PPP1R42: variants seen among roughly 807,000 people sequenced by gnomAD.
PPP1R42 encodes leucine rich repeat containing 67.
A neutral mutation model predicts 31.0 loss-of-function variants in PPP1R42; 34 were observed. The observed-to-expected ratio is 1.10, with a 90% CI of 0.83 to 1.46. The LOEUF is 1.46. Ranked by LOEUF, PPP1R42 falls within the 40% of genes most tolerant of loss-of-function variation. The pLI, the probability that PPP1R42 is intolerant of heterozygous loss-of-function variation, is 0.00. For synonymous variants in PPP1R42, 103 were observed against 109.8 expected (o/e 0.94, Z 0.39); for missense variants, 268 against 303.0 (o/e 0.88, Z 0.86).
chr8:67,017,095 T>C (rs1440168710), intron 2 of PPP1R42, among the ~76,000 whole-genome samples: 1 of 152,204 alleles, frequency 6.6e-6, no homozygotes, highest in African/African-American at 2.4e-5. Flanking sequence ...CACAATAGTA[T>C]ATTTTATAGA....
chr8:67,003,047 C>T (rs2129536642), intron 5 of PPP1R42, among the ~76,000 whole-genome samples: 1 of 150,068 alleles, frequency 6.7e-6, no homozygotes, highest in Non-Finnish European at 1.5e-5. Context: ...TGCCTGTAAT[C>T]CCAGCTACTA....
In PPP1R42 at chr8:67,017,738, G is replaced by C; in HGVS notation, c.10C>G (p.Leu4Val). MVR[L>V]TLDLIARNSN... ...TTTCTGGCAATTAGATCCAAGGTCA[G>C]TCGAACCATAATTTCTTTATAAATC... Residue 4 changes from leucine (L) to valine (V), a missense_variant, in exon 2 of 8, where the codon CTG (leucine) becomes GTG (valine). Transcript: ENST00000685739. 1 of 1,585,364 alleles carries C rather than the reference G, an allele frequency of 6.3e-7. No homozygotes were observed. The highest frequency in any genetic ancestry group is 1.4e-5 in the African/African-American group (1 of 73,998).
At chr8:67,019,900 A>C (rs192091140) in intron 1 of PPP1R42, among the ~76,000 whole-genome samples, 50 of 151,700 alleles carry the variant, frequency 3.3e-4, no homozygotes, top group East Asian at 1.2e-3. Flanking sequence ...CAAAAAAAAA[A>C]CCAAAAAAAC....
At chr8:66,997,899 G>C (rs1216052087) in intron 5 of PPP1R42, among the ~76,000 whole-genome samples, 2 of 151,882 alleles carry the variant, frequency 1.3e-5, no homozygotes, top group African/African-American at 4.8e-5. Context: ...TAAATTTTAG[G>C]GTTGATTTGT....
intron 1 of PPP1R42, among the ~76,000 whole-genome samples, chr8:67,019,236 T>C (rs1310848206): frequency 2.3e-5 from 3 of 132,916 alleles, no homozygotes; most frequent in African/African-American, 9.0e-5. Context: ...TTTATGAGCA[T>C]CTTTTTTTTT....
chr8:67,025,119 T>C (rs1008958322), intron 1 of PPP1R42, among the ~76,000 whole-genome samples: 1 of 148,076 alleles, frequency 6.8e-6, no homozygotes, highest in African/African-American at 2.5e-5. Context: ...TTATTTTTTT[T>C]ATTTTTATAG....
chr8:66,983,714 A>G (rs2130925965), intron 6 of PPP1R42, among the ~76,000 whole-genome samples: 1 of 152,298 alleles, frequency 6.6e-6, no homozygotes, highest in East Asian at 1.9e-4. Flanking sequence ...GAGCCATAAT[A>G]CTGTGTTATA....
At chr8:66,985,963 G>T in intron 6 of PPP1R42, 1 of 755,938 alleles carries the variant, frequency 1.3e-6, no homozygotes, top group Admixed American at 1.9e-5. Context: ...TTTAGCTTTC[G>T]TTTTCTGCTT....
intron 7 of PPP1R42, among the ~76,000 whole-genome samples, chr8:66,971,745 A>G (rs930786670): frequency 2.0e-5 from 3 of 152,236 alleles, no homozygotes; most frequent in African/African-American, 4.8e-5. Context: ...ATATTAAAGT[A>G]TGTTTACAAT....
intron 6 of PPP1R42, chr8:66,983,989 G>A: frequency 1.3e-6 from 1 of 783,794 alleles, no homozygotes; most frequent in Non-Finnish European, 2.1e-6. Context: ...GACTGGGGAA[G>A]GGAGCAAGAT....
chr8:66,965,205 A>G (rs962759952), intron 7 of PPP1R42, among the ~76,000 whole-genome samples: 3 of 150,652 alleles, frequency 2.0e-5, no homozygotes, highest in African/African-American at 4.9e-5. Context: ...TTGGAACTGC[A>G]GTGAGTCAAG....
At chr8:66,997,168 G>C (rs1271964008) in intron 5 of PPP1R42, among the ~76,000 whole-genome samples, 1 of 152,138 alleles carries the variant, frequency 6.6e-6, no homozygotes, top group Non-Finnish European at 1.5e-5. Flanking sequence ...TTGACTCTAT[G>C]TGTGAGTTTA....
rs192837040 is a variant in PPP1R42 at position 66,982,641 on chromosome 8, A to C, written c.671-461T>G. ...CCAGCTATTTTTTTGTATTTTTAGT[A>C]GAGACAAGGTCTTGCCATGTTGCCC... On this transcript the variant is annotated intron_variant, in intron 6 of 7. Coordinates refer to ENST00000685739, the MANE Select transcript of PPP1R42 (RefSeq NM_001364910.1). 7.6e-4 allele frequency among the ~76,000 whole-genome samples: 116 copies of C among 152,266 alleles called. 1 individual carries two copies. The highest frequency in any genetic ancestry group is 2.6e-3 in the African/African-American group (110 of 41,542).
At chr8:67,015,014 G>C (rs1351236009) in intron 2 of PPP1R42, among the ~76,000 whole-genome samples, 1 of 151,974 alleles carries the variant, frequency 6.6e-6, no homozygotes, top group Non-Finnish European at 1.5e-5. Context: ...AAGAATAATA[G>C]ATTATTATTA....
chr8:66,985,709 A>G, intron 6 of PPP1R42: 2 of 1,330,674 alleles, frequency 1.5e-6, no homozygotes, highest in South Asian at 1.2e-5. Context: ...TGGGAGGAAG[A>G]AGGAGTCTTT....
chr8:66,997,734 T>C (rs1321878217), intron 5 of PPP1R42, among the ~76,000 whole-genome samples: 1 of 151,876 alleles, frequency 6.6e-6, no homozygotes, highest in African/African-American at 2.4e-5. Context: ...AAACACCTTT[T>C]AGAGGAGGGG....
chr8:66,985,019 C>G, intron 6 of PPP1R42: 1 of 1,527,862 alleles, frequency 6.5e-7, no homozygotes, highest in Non-Finnish European at 9.1e-7. Flanking sequence ...GGATTTTCCT[C>G]TCTAAGGTTA....
At chr8:66,968,003 A>G (rs1814433645) in intron 7 of PPP1R42, among the ~76,000 whole-genome samples, 1 of 152,202 alleles carries the variant, frequency 6.6e-6, no homozygotes, top group Non-Finnish European at 1.5e-5. Flanking sequence ...AAGAGAGGAA[A>G]CATCTGTCAG....
chr8:66,965,476 G>T (rs376903631), intron 7 of PPP1R42, among the ~76,000 whole-genome samples: 1 of 145,954 alleles, frequency 6.9e-6, no homozygotes, highest in African/African-American at 2.5e-5. Flanking sequence ...TCATTCTGTC[G>T]CCCAGGCTGG....
Sources: gnomAD v4.1 joint callset for allele counts (sites outside exome capture counted in the v4.1 genomes callset) on GRCh38, gnomAD v4.1.1 for gene constraint, MANE v1.5 for transcripts, NCBI Gene and HGNC (gene_info 2026-07-23, HGNC 2026-07-21) for gene names.